The following TTC23L variants were observed in gnomAD, a reference collection of about 807,000 sequenced individuals.
TTC23L encodes tetratricopeptide repeat domain 23 like.
In TTC23L, 42 loss-of-function variants were observed where a neutral mutation model predicts 48.1. The ratio of observed to expected loss-of-function variants is 0.87; its 90% CI spans 0.68 to 1.13. The LOEUF (loss-of-function observed/expected upper bound fraction) is 1.13. TTC23L is among the 50% of genes most tolerant of loss of function. The pLI, the probability that TTC23L is intolerant of heterozygous loss-of-function variation, is 0.00. For synonymous variants in TTC23L, 159 were observed against 157.2 expected (o/e 1.01, Z -0.09); for missense variants, 391 against 421.0 (o/e 0.93, Z 0.62).
At chr5:34,887,461 CTT>C (rs536109538) in intron 9 of TTC23L, among the ~76,000 whole-genome samples, 182 of 152,210 alleles carry the variant, frequency 1.2e-3, no homozygotes, top group African/African-American at 4.2e-3. Flanking sequence ...AATGAAGACT[CTT>C]AACATGGAGT....
chr5:34,908,697 G>C, the TTC23L span: 3 of 1,357,838 alleles, frequency 2.2e-6, no homozygotes, highest in Non-Finnish European at 3.0e-6. Flanking sequence ...ATGACAAAGA[G>C]TACTGTACTC....
the TTC23L span, chr5:34,918,512 A>G: frequency 8.6e-7 from 1 of 1,161,284 alleles, no homozygotes; most frequent in Non-Finnish European, 1.2e-6. Flanking sequence ...ATTTCTATCT[A>G]TAAACTTACC....
At chr5:34,915,175 G>A in the TTC23L span, among the ~76,000 whole-genome samples, 5 of 152,328 alleles carry the variant, frequency 3.3e-5, no homozygotes, top group East Asian at 9.7e-4. Flanking sequence ...GAAAAGTTGT[G>A]AAGAATGAAG....
At chr5:34,919,274 CAAAAA>C in the TTC23L span, among the ~76,000 whole-genome samples, 1 of 35,976 alleles carries the variant, frequency 2.8e-5, no homozygotes, top group South Asian at 1.2e-3. Flanking sequence ...GACCCTGTCT[CAAAAA>C]AAAAAAAAAA....
At chr5:34,850,791 A>G (rs375234420) in intron 4 of TTC23L, among the ~76,000 whole-genome samples, 3 of 152,328 alleles carry the variant, frequency 2.0e-5, no homozygotes, top group East Asian at 1.9e-4. Flanking sequence ...TCCTAGAGAA[A>G]TGGTACTTCT....
At chr5:34,922,518 A>G in the TTC23L span, 8 of 1,551,464 alleles carry the variant, frequency 5.2e-6, no homozygotes, top group Non-Finnish European at 7.1e-6. Context: ...TAGTTGAAAA[A>G]GCTTACTCCA....
At position 34,869,342 on chromosome 5, in the gene TTC23L, A is replaced by G. The variant is rs1761289004; in HGVS notation, c.949+329A>G. 1.3e-5 allele frequency: 3 copies of G among 227,958 alleles called. No individual in the cohort carries two copies. In the South Asian group the frequency reaches 2.0e-4, roughly 15 times the overall value. 14.1% of individuals were successfully genotyped at this position (227,958 alleles called of 1,614,324 possible). On this transcript the variant is annotated intron_variant, in intron 8 of 10. Coordinates refer to ENST00000505624, the Ensembl canonical transcript of TTC23L. ...TATCGGTTGATAAGGACATCCAGTG[A>G]TAAATGGGTAGAGCTTTACCTCCTC...
In TTC23L at chr5:34,840,645, C is replaced by G; in HGVS notation, c.-7-20C>G. 1 of 1,611,226 alleles carries G rather than the reference C, an allele frequency of 6.2e-7. No individual in the cohort carries two copies. The highest frequency in any genetic ancestry group is 2.2e-5 in the East Asian group (1 of 44,858). Reference sequence around the variant, plus strand: ...ACCCAGCCTTTTCTCTCAAAGCTGACCTTACCTGATTCTTGGTAGGAAGAA... The same window carrying G: ...ACCCAGCCTTTTCTCTCAAAGCTGAGCTTACCTGATTCTTGGTAGGAAGAA... On this transcript the variant is annotated intron_variant, in intron 1 of 10. Coordinates refer to ENST00000505624, the Ensembl canonical transcript of TTC23L.
chr5:34,880,707 C>T (rs1224931240), intron 9 of TTC23L: 2 of 356,502 alleles, frequency 5.6e-6, no homozygotes, highest in African/African-American at 2.3e-5. Context: ...GGGGCGATCT[C>T]GGCTCACTGC....
chr5:34,842,588 GA>G (rs1561116320), intron 2 of TTC23L, among the ~76,000 whole-genome samples: 1 of 152,212 alleles, frequency 6.6e-6, no homozygotes, highest in Non-Finnish European at 1.5e-5. Flanking sequence ...GAGATGGTGA[GA>G]AGGGGGGTGG....
At chr5:34,900,434 G>A (rs62356984), downstream of TTC23L, among the ~76,000 whole-genome samples, 7 of 151,884 alleles carry the variant, frequency 4.6e-5, no homozygotes, top group Non-Finnish European at 8.8e-5. Context: ...CCAGGAGGTC[G>A]AGGCTGCAGT....
chr5:34,919,731 C>G, the TTC23L span: 4 of 392,648 alleles, frequency 1.0e-5, no homozygotes, highest in Non-Finnish European at 1.9e-5. Flanking sequence ...CTCCTTTAAA[C>G]TGAAGAGTGT....
chr5:34,886,261 C>T (rs1390986612), intron 9 of TTC23L, among the ~76,000 whole-genome samples: 1 of 150,712 alleles, frequency 6.6e-6, no homozygotes, highest in Non-Finnish European at 1.5e-5. Flanking sequence ...CACATCACAA[C>T]GGACTGATCC....
At chr5:34,913,984 C>T in the TTC23L span, 6 of 456,924 alleles carry the variant, frequency 1.3e-5, no homozygotes, top group South Asian at 9.3e-5. Context: ...CCTCGGTCTC[C>T]TGAGCAGCTG....
At chr5:34,914,620 A>G in the TTC23L span, 1 of 1,431,996 alleles carries the variant, frequency 7.0e-7, no homozygotes, top group East Asian at 2.3e-5. Flanking sequence ...TATTTTGTCT[A>G]CTGAAACCTT....
chr5:34,841,003 A>T (rs747454864), intron 2 of TTC23L, among the ~76,000 whole-genome samples: 1 of 152,050 alleles, frequency 6.6e-6, no homozygotes, highest in Non-Finnish European at 1.5e-5. Flanking sequence ...CTGAGATTCC[A>T]TCACTGCACT....
At chr5:34,902,483 C>G (rs1763532621), downstream of TTC23L, 1 of 283,888 alleles carries the variant, frequency 3.5e-6, no homozygotes, top group Admixed American at 3.7e-5. Context: ...GTATCACTAT[C>G]AACATCTATA....
At chr5:34,906,658 A>G in the TTC23L span, 1 of 152,198 alleles carries the variant, frequency 6.6e-6, no homozygotes, top group Non-Finnish European at 1.5e-5. Context: ...AAATAAAAAA[A>G]CTGAGATCAA....
the TTC23L span, chr5:34,915,657 G>T: frequency 6.9e-7 from 1 of 1,455,778 alleles, no homozygotes; most frequent in Non-Finnish European, 9.1e-7. Context: ...TGAGCGCTTA[G>T]AGCCGCCGAA....
Sources: allele counts gnomAD v4.1 joint callset (sites outside exome capture counted in the v4.1 genomes callset), GRCh38; gene constraint gnomAD v4.1.1; transcripts MANE v1.5; gene names NCBI Gene and HGNC (gene_info 2026-07-23, HGNC 2026-07-21).